NKAIN3: variants seen among roughly 807,000 people sequenced by gnomAD.
The protein encoded by NKAIN3 is sodium/potassium-transporting ATPase subunit beta-1-interacting protein 3.
Under a neutral mutation model 30.2 loss-of-function variants are expected in NKAIN3, and 25 were observed. The observed-to-expected ratio is 0.83, with a 90% CI of 0.60 to 1.16. NKAIN3 has a LOEUF of 1.16. Ranked by LOEUF, NKAIN3 falls within the 50% of genes most tolerant of loss-of-function variation. The pLI is 0.00. For synonymous variants in NKAIN3, 91 were observed against 89.6 expected, an observed-to-expected ratio of 1.02 and a Z score of -0.09; for missense variants, 225 against 254.1, an observed-to-expected ratio of 0.89 and a Z score of 0.78.
At chr8:62,874,557 A>G (rs540574697) in intron 4 of NKAIN3, among the ~76,000 whole-genome samples, 2 of 152,362 alleles carry the variant, frequency 1.3e-5, no homozygotes, top group East Asian at 1.9e-4. Flanking sequence ...CATCAATGCA[A>G]AAATCCTCAA....
intron 1 of NKAIN3, among the ~76,000 whole-genome samples, chr8:62,413,468 A>G (rs1304739981): frequency 2.0e-5 from 3 of 152,098 alleles, no homozygotes; most frequent in Non-Finnish European, 4.4e-5. Context: ...TTTCTACCTT[A>G]TTATGTTGAA....
At chr8:62,837,459 G>A (rs1011576993) in intron 4 of NKAIN3, among the ~76,000 whole-genome samples, 1 of 152,120 alleles carries the variant, frequency 6.6e-6, no homozygotes, top group Non-Finnish European at 1.5e-5. Flanking sequence ...AGGTTTTAGA[G>A]TTATCTTAAA....
intron 1 of NKAIN3, among the ~76,000 whole-genome samples, chr8:62,544,572 A>C (rs934848523): frequency 1.3e-5 from 2 of 152,158 alleles, no homozygotes; most frequent in East Asian, 3.8e-4. Flanking sequence ...TAAAAACTAT[A>C]GATAACACAG....
chr8:62,904,640 A>G (rs1821723325), intron 4 of NKAIN3, among the ~76,000 whole-genome samples: 1 of 152,232 alleles, frequency 6.6e-6, no homozygotes, highest in Non-Finnish European at 1.5e-5. Context: ...ACCATGCTGG[A>G]GTTCTGAAAT....
At chr8:62,588,696 A>G (rs2130099407) in intron 2 of NKAIN3, among the ~76,000 whole-genome samples, 1 of 152,030 alleles carries the variant, frequency 6.6e-6, no homozygotes, top group South Asian at 2.1e-4. Flanking sequence ...TAATTTAAAA[A>G]CAGTATGCAA....
chr8:62,371,918 G>A (rs1039159648), intron 1 of NKAIN3, among the ~76,000 whole-genome samples: 3 of 151,840 alleles, frequency 2.0e-5, no homozygotes, highest in African/African-American at 7.2e-5. Flanking sequence ...CTTTATTTCT[G>A]ACAGAGAAGT....
At chr8:62,852,358 A>G (rs1188893963) in intron 4 of NKAIN3, among the ~76,000 whole-genome samples, 1 of 151,934 alleles carries the variant, frequency 6.6e-6, no homozygotes, top group Non-Finnish European at 1.5e-5. Flanking sequence ...CTTCTTTATT[A>G]GTCTTGCTAG....
At chr8:62,275,120 A>G (rs1356770966) in intron 1 of NKAIN3, among the ~76,000 whole-genome samples, 1 of 152,180 alleles carries the variant, frequency 6.6e-6, no homozygotes, top group Admixed American at 6.5e-5. Flanking sequence ...CAGTAATGGA[A>G]TGGCTGGGTC....
intron 4 of NKAIN3, among the ~76,000 whole-genome samples, chr8:62,901,427 A>G (rs1821610433): frequency 6.6e-6 from 1 of 152,178 alleles, no homozygotes; most frequent in Admixed American, 6.5e-5. Flanking sequence ...AAACACAGCA[A>G]AACACTCTAT....
chr8:62,272,778 C>T (rs573774569), intron 1 of NKAIN3, among the ~76,000 whole-genome samples: 15 of 152,290 alleles, frequency 9.8e-5, no homozygotes, highest in African/African-American at 2.4e-4. Context: ...ATAAATAACA[C>T]GTACAGCCCT....
intron 1 of NKAIN3, among the ~76,000 whole-genome samples, chr8:62,253,938 A>G (rs969770162): frequency 2.0e-5 from 3 of 152,200 alleles, no homozygotes; most frequent in African/African-American, 7.2e-5. Context: ...CACTATAATT[A>G]TTAATCATTT....
chr8:62,674,221 A>T (rs563743111), intron 3 of NKAIN3, among the ~76,000 whole-genome samples: 15 of 152,322 alleles, frequency 9.8e-5, no homozygotes, highest in African/African-American at 3.6e-4. Flanking sequence ...TCCCCAAATA[A>T]GTCGGACTCT....
chr8:62,832,070 T>C (rs1229655920), intron 4 of NKAIN3, among the ~76,000 whole-genome samples: 1 of 152,144 alleles, frequency 6.6e-6, no homozygotes, highest in Middle Eastern at 3.2e-3. Flanking sequence ...ATTTTCAGCA[T>C]TCTTAGAGAA....
chr8:62,511,102 C>T (rs1563433152), intron 1 of NKAIN3, among the ~76,000 whole-genome samples: 1 of 152,130 alleles, frequency 6.6e-6, no homozygotes, highest in South Asian at 2.1e-4. Flanking sequence ...ATCTGCCTCC[C>T]CACACCCTCC....
chr8:62,959,045 CT>C (rs1003307103), intron 6 of NKAIN3, among the ~76,000 whole-genome samples: 29 of 152,284 alleles, frequency 1.9e-4, no homozygotes, highest in African/African-American at 7.0e-4. Context: ...AACTTGTTTT[CT>C]TTGGTATCTT....
chr8:62,585,590 A>AT (rs1257640572), intron 2 of NKAIN3, among the ~76,000 whole-genome samples: 1 of 152,110 alleles, frequency 6.6e-6, no homozygotes, highest in Non-Finnish European at 1.5e-5. Context: ...TTAGATTGTC[A>AT]TAAGTAGCCG....
intron 4 of NKAIN3, among the ~76,000 whole-genome samples, chr8:62,798,237 C>T (rs957677565): frequency 2.6e-5 from 4 of 152,058 alleles, no homozygotes; most frequent in African/African-American, 7.2e-5. Flanking sequence ...CTATGCATCT[C>T]CTGTTGGGTT....
At chr8:62,944,390 T>C (rs1425953828) in intron 5 of NKAIN3, among the ~76,000 whole-genome samples, 2 of 152,202 alleles carry the variant, frequency 1.3e-5, no homozygotes, top group Admixed American at 6.5e-5. Context: ...CTTGAGTCTT[T>C]GCCTTTTCAC....
intron 1 of NKAIN3, among the ~76,000 whole-genome samples, chr8:62,368,499 G>T (rs74550923): frequency 2.0e-5 from 3 of 152,096 alleles, no homozygotes. Flanking sequence ...CCACATGCAC[G>T]TGAAAGTTGT....
Sources: allele counts gnomAD v4.1 joint callset (sites outside exome capture counted in the v4.1 genomes callset), GRCh38; gene constraint gnomAD v4.1.1; transcripts MANE v1.5; gene names NCBI Gene and HGNC (gene_info 2026-07-23, HGNC 2026-07-21).